The following SUGCT variants were observed in gnomAD, a reference collection of about 807,000 sequenced individuals.
SUGCT encodes the protein succinyl-CoA:glutarate CoA-transferase.
In SUGCT, 41 loss-of-function variants were observed where a neutral mutation model predicts 55.0. That is an observed-to-expected ratio of 0.74 (90% confidence interval 0.58 to 0.97). The LOEUF is 0.97. Ranked by LOEUF, SUGCT falls within the 50% of genes least tolerant of loss-of-function variation. SUGCT has a pLI of 0.00. For synonymous variants in SUGCT, 187 were observed against 200.4 expected (o/e 0.93, Z 0.56); for missense variants, 568 against 547.8 (o/e 1.04, Z -0.37).
rs754469982 is a variant in SUGCT, at chr7:40,459,198, G to A, written c.986G>A (p.Arg329Gln). Reference sequence around the variant, plus strand: ...GAGCTTATTAAAATATTATCTGAACGGTAAGTTTGGATGTTGTATTCATCC... The same window carrying A: ...GAGCTTATTAAAATATTATCTGAACAGTAAGTTTGGATGTTGTATTCATCC... ...RKELIKILSE[R>Q]FEEELTSKWL... The change falls in exon 11 of 14, where the codon CGG becomes CAG. Residue 329 changes from arginine to glutamine, a missense_variant and splice_region_variant. Arg to Gln is a conservative substitution (Grantham distance 43). Coordinates refer to ENST00000335693, the MANE Select transcript of SUGCT (RefSeq NM_001193313.2). 5 of 1,567,382 alleles carry A rather than the reference G, an allele frequency of 3.2e-6. No homozygotes were observed. The highest frequency in any genetic ancestry group is 3.5e-6 in the Non-Finnish European group (4 of 1,141,002).
At chr7:40,706,999 C>T (rs542191792) in intron 12 of SUGCT, among the ~76,000 whole-genome samples, 1 of 152,298 alleles carries the variant, frequency 6.6e-6, no homozygotes, top group South Asian at 2.1e-4. Flanking sequence ...TACCCACCCT[C>T]ATTGTCCACC....
intron 12 of SUGCT, among the ~76,000 whole-genome samples, chr7:40,574,779 T>C (rs1796635589): frequency 6.6e-6 from 1 of 152,208 alleles, no homozygotes; most frequent in Admixed American, 6.5e-5. Flanking sequence ...AGCTTCCTAC[T>C]TTTTAACCGA....
At chr7:40,539,396 T>A (rs927840489) in intron 12 of SUGCT, 2 of 152,154 alleles carry the variant, frequency 1.3e-5, no homozygotes, top group African/African-American at 4.8e-5. Context: ...AATAAAAAAA[T>A]GTATCTATGA....
At chr7:40,650,706 C>T (rs564502053) in intron 12 of SUGCT, among the ~76,000 whole-genome samples, 1 of 152,104 alleles carries the variant, frequency 6.6e-6, no homozygotes, top group Admixed American at 6.6e-5. Flanking sequence ...CTTTTTCACT[C>T]AACTTTGTAC....
the SUGCT span, among the ~76,000 whole-genome samples, chr7:40,933,639 C>T: frequency 6.6e-6 from 1 of 152,016 alleles, no homozygotes; most frequent in African/African-American, 2.4e-5. Context: ...TTTCTTTTTA[C>T]TCTTCTTTGT....
In SUGCT at chr7:40,285,493, G is replaced by C. The variant is rs1379214513; in HGVS notation, c.720+10837G>C. Among the ~76,000 whole-genome samples the C allele has an allele frequency of 7.8e-5, 4 of 51,548 alleles. No homozygotes were observed. In the South Asian group the frequency reaches 1.8e-3, roughly 24 times the overall value. The allele number at this position is 51,548 out of a possible 152,430, so 33.8% of individuals were successfully genotyped here. A position where few individuals can be genotyped will look rare whatever the true frequency, so the allele number is the denominator to read the frequency against. On this transcript the variant is annotated intron_variant, in intron 8 of 13. Coordinates refer to ENST00000335693, the MANE Select transcript of SUGCT (RefSeq NM_001193313.2). ...TTTATTCTTGTTTTTTTCTTTTTTC[G>C]GGGGGGGGCAAGAATTTTATTTAGA...
At chr7:40,578,533 G>A (rs1043590280) in intron 12 of SUGCT, among the ~76,000 whole-genome samples, 3 of 151,496 alleles carry the variant, frequency 2.0e-5, no homozygotes, top group Non-Finnish European at 4.4e-5. Flanking sequence ...TTTGGTACTA[G>A]CTATTCCTTC....
chr7:40,644,543 G>A (rs1311755075), intron 12 of SUGCT, among the ~76,000 whole-genome samples: 1 of 152,198 alleles, frequency 6.6e-6, no homozygotes, highest in Non-Finnish European at 1.5e-5. Context: ...AGCTGTGTTT[G>A]TTGATCCCAA....
chr7:40,418,196 T>G (rs1787116494), intron 9 of SUGCT, among the ~76,000 whole-genome samples: 1 of 152,226 alleles, frequency 6.6e-6, no homozygotes, highest in Non-Finnish European at 1.5e-5. Flanking sequence ...CAATAGACAC[T>G]ATGTCAGCAG....
At chr7:40,949,682 G>T in the SUGCT span, among the ~76,000 whole-genome samples, 6 of 152,184 alleles carry the variant, frequency 3.9e-5, no homozygotes, top group Non-Finnish European at 7.3e-5. Flanking sequence ...TGGCTAGCCA[G>T]TTTTCCCAAC....
At chr7:40,689,435 A>C (rs546573352) in intron 12 of SUGCT, among the ~76,000 whole-genome samples, 1 of 152,228 alleles carries the variant, frequency 6.6e-6, no homozygotes, top group Admixed American at 6.5e-5. Flanking sequence ...TGTCACTTTC[A>C]AGAGGATTAT....
At chr7:40,503,341 T>G (rs1056246196) in intron 12 of SUGCT, among the ~76,000 whole-genome samples, 2 of 152,158 alleles carry the variant, frequency 1.3e-5, no homozygotes, top group Non-Finnish European at 2.9e-5. Context: ...TTTTAGCAAG[T>G]GGTTTTTCAA....
intron 6 of SUGCT, among the ~76,000 whole-genome samples, chr7:40,219,650 C>T (rs1017632405): frequency 6.6e-6 from 1 of 151,852 alleles, no homozygotes; most frequent in African/African-American, 2.4e-5. Flanking sequence ...CCAGGTATGC[C>T]AATCACGGGG....
chr7:40,624,474 C>T (rs371620263), intron 12 of SUGCT, among the ~76,000 whole-genome samples: 1 of 151,984 alleles, frequency 6.6e-6, no homozygotes. Context: ...TGCTTATATA[C>T]CTACTATATA....
At chr7:40,947,029 AT>A in the SUGCT span, among the ~76,000 whole-genome samples, 2 of 152,014 alleles carry the variant, frequency 1.3e-5, no homozygotes, top group South Asian at 4.1e-4. Flanking sequence ...TTTTTCATGC[AT>A]TTTATCTTCT....
At position 40,459,132 on chromosome 7, in the gene SUGCT, C is replaced by T. The variant is rs1356591432; in HGVS notation, c.920C>T (p.Ser307Phe). 6.2e-7 allele frequency: 1 copy of T among 1,610,882 alleles called. No individual in the cohort carries two copies. The highest frequency in any genetic ancestry group is 8.5e-7 in the Non-Finnish European group (1 of 1,178,158). ...ILDLPELIDN[S>F]KYKTNHLRVH... ...GATTTGCCTGAGTTGATTGATAATT[C>T]CAAGTATAAAACTAACCACCTTCGG... is the stretch of plus-strand genomic sequence containing the variant. The change falls in exon 11 of 14, where the codon TCC (serine) becomes TTC (phenylalanine). Residue 307 changes from serine (S) to phenylalanine (F), a missense_variant. Transcript: ENST00000335693.
chr7:40,460,286 T>C (rs1789720099), intron 11 of SUGCT, among the ~76,000 whole-genome samples: 2 of 152,198 alleles, frequency 1.3e-5, no homozygotes, highest in Admixed American at 6.5e-5. Flanking sequence ...TTCATATCAA[T>C]AGGGACTGTG....
intron 9 of SUGCT, among the ~76,000 whole-genome samples, chr7:40,320,241 G>C (rs1210742361): frequency 7.5e-6 from 1 of 133,962 alleles, no homozygotes; most frequent in Non-Finnish European, 1.7e-5. Context: ...TGAGTAGCTG[G>C]GATTACAGGC....
chr7:40,856,908 G>A (rs761511691), intron 13 of SUGCT, among the ~76,000 whole-genome samples: 5 of 152,026 alleles, frequency 3.3e-5, no homozygotes, highest in Non-Finnish European at 7.4e-5. Context: ...TTTTATAAGC[G>A]AAATTTTATC....
Sources: gnomAD v4.1 joint callset for allele counts (sites outside exome capture counted in the v4.1 genomes callset) on GRCh38, gnomAD v4.1.1 for gene constraint, MANE v1.5 for transcripts, NCBI Gene and HGNC (gene_info 2026-07-23, HGNC 2026-07-21) for gene names.